Variants in CAPN11 observed in about 807,000 individuals in gnomAD.
CAPN11 encodes calpain 11, also known as calpain-11.
CAPN11 carries 108 observed loss-of-function variants against 105.3 expected under a neutral mutation model. That is an observed-to-expected ratio of 1.03 (90% CI 0.88 to 1.20). The LOEUF is 1.20. Among genes scored for constraint, CAPN11 ranks in the 50% most tolerant of loss-of-function variants. CAPN11 has a pLI of 0.00. For synonymous variants in CAPN11, 329 were observed against 344.5 expected (o/e 0.96, Z 0.50); for missense variants, 883 against 924.8 (o/e 0.95, Z 0.59).
Position 44,183,847 on chromosome 6 carries a change from C to T in CAPN11, c.2194-59C>T, listed in dbSNP as rs373552628. The stretch of plus-strand genomic sequence containing the variant: ...CACCCCCACCCAGCTCTGATGTCCC[C>T]GGGCCAGCATCCTGCCCCCGTCTCT... On this transcript the variant is annotated intron_variant, in intron 22 of 22. Coordinates refer to ENST00000398776, the MANE Select transcript of CAPN11 (RefSeq NM_007058.4). 660 of 1,572,282 alleles carry T rather than the reference C, an allele frequency of 4.2e-4. 1 individual carries two copies. The highest frequency in any genetic ancestry group is 4.9e-4 in the Non-Finnish European group (569 of 1,156,174).
In CAPN11 at chr6:44,169,265, T is replaced by A. The variant is rs1408321575; in HGVS notation, c.89-16T>A. ...ATTTTTTACTTGCGTTATTTCTCTT[T>A]TTTTTTCTTAAGCAGAGCCCACTTT... On this transcript the variant is annotated splice_polypyrimidine_tract_variant and intron_variant, in intron 2 of 22. Coordinates refer to ENST00000398776, the MANE Select transcript of CAPN11 (RefSeq NM_007058.4). 12 of 1,589,718 alleles carry A rather than the reference T, an allele frequency of 7.5e-6. No individual in the cohort carries two copies. Among genetic ancestry groups the A allele is most frequent in the Non-Finnish European group, 1.0e-5 (12 of 1,168,802 alleles).
chr6:44,170,259 A>G (rs1770739124), intron 4 of CAPN11, among the ~76,000 whole-genome samples: 1 of 149,302 alleles, frequency 6.7e-6, no homozygotes, highest in Non-Finnish European at 1.5e-5. Flanking sequence ...TAGCAACTTA[A>G]AAAAAAAATT....
chr6:44,178,773 AT>A (rs1772610615), intron 12 of CAPN11, among the ~76,000 whole-genome samples: 1 of 149,158 alleles, frequency 6.7e-6, no homozygotes, highest in South Asian at 2.1e-4. Context: ...AAAAAAAAAA[AT>A]TAGCCGGGCA....
intron 2 of CAPN11, among the ~76,000 whole-genome samples, chr6:44,167,646 A>T (rs1744065158): frequency 6.6e-6 from 1 of 152,024 alleles, no homozygotes; most frequent in South Asian, 2.1e-4. Context: ...GCAGTGGCTC[A>T]TGCCAGTAAT....
chr6:44,182,307 ACACACT>A (rs1174700859), intron 19 of CAPN11, among the ~76,000 whole-genome samples: 5 of 38,038 alleles, frequency 1.3e-4, no homozygotes, highest in African/African-American at 4.2e-4. Flanking sequence ...ACACACACAC[ACACACT>A]CACATACAGA....
rs528515730 is a variant in CAPN11, at chr6:44,158,918, T to TC, written c.16+60dup. On this transcript the variant is annotated intron_variant, in intron 1 of 22. Coordinates refer to ENST00000398776, the MANE Select transcript of CAPN11 (RefSeq NM_007058.4). ...CCTGTACCTCCTGCAGGCTAGAGCC[T>TC]CCCCCCAGGGGAGGAGCTGTGTCCC... is the stretch of plus-strand genomic sequence containing the variant. 3.4e-3 allele frequency: 4,990 copies of TC among 1,481,902 alleles called. 34 individuals carry two copies. The highest frequency in any genetic ancestry group is 5.3e-3 in the Admixed American group (256 of 48,182). The allele number at this position is 1,481,902 out of a possible 1,614,324, so 91.8% of individuals were successfully genotyped here.
chr6:44,169,975 G>C lies in CAPN11; in HGVS notation c.409G>C (p.Gly137Arg). 1 of 1,608,384 alleles carries C rather than the reference G, an allele frequency of 6.2e-7. No individual in the cohort carries two copies. The highest frequency in any genetic ancestry group is 2.2e-5 in the East Asian group (1 of 44,744). ...SPTDICQGIL[G>R]DCWLLAAIGS... ...AACAGACATCTGCCAGGGGATCCTC[G>C]GTGAGTGGGGCACAGGAAGCTGGTC... The change falls in exon 4 of 23, where the codon GGG becomes CGG. Residue 137 changes from glycine to arginine, a missense_variant and splice_region_variant. By Grantham distance (125) the Gly-to-Arg change is moderately radical. Coordinates refer to ENST00000398776, the MANE Select transcript of CAPN11 (RefSeq NM_007058.4).
In CAPN11 at chr6:44,174,559, A is replaced by G. The variant is rs1582875654; in HGVS notation, c.831+1173A>G. 2.7e-5 allele frequency among the ~76,000 whole-genome samples: 4 copies of G among 148,854 alleles called. No individual in the cohort carries two copies. The South Asian group carries it at 8.5e-4, about 32-fold the overall frequency. ...GAAATTAATTAGCTGAGAAAAAAGA[A>G]AAAAAAAAAGACAATCCCCTCCAAA... On this transcript the variant is annotated intron_variant, in intron 7 of 22. Transcript: ENST00000398776.
At chr6:44,179,078 C>T (rs1399244988) in intron 12 of CAPN11, among the ~76,000 whole-genome samples, 1 of 152,138 alleles carries the variant, frequency 6.6e-6, no homozygotes, top group African/African-American at 2.4e-5. Flanking sequence ...TATTTGTCCT[C>T]GATCCTCAAT....
At chr6:44,169,796 A>T in intron 3 of CAPN11, 110 bp from the exon 4 acceptor site, 1 of 912,894 alleles carries the variant, frequency 1.1e-6, no homozygotes, top group East Asian at 2.6e-5. Context: ...CCTGCCCCTC[A>T]TATCTGTTCC....
chr6:44,182,466 G>GC (rs1286221995), intron 19 of CAPN11, among the ~76,000 whole-genome samples: 2 of 152,250 alleles, frequency 1.3e-5, no homozygotes, highest in African/African-American at 4.8e-5. Context: ...GGGCACCAGT[G>GC]CCCCCGACAA....
chr6:44,159,265 G>A (rs180781184), intron 1 of CAPN11, among the ~76,000 whole-genome samples: 4 of 152,296 alleles, frequency 2.6e-5, no homozygotes, highest in African/African-American at 9.6e-5. Context: ...TTAGGGAACA[G>A]AGAGAACCTC....
rs113421480 is a variant in CAPN11 at position 44,177,026 on chromosome 6, T to C, written c.1237+28T>C. 8.9e-4 allele frequency: 1,430 copies of C among 1,604,290 alleles called. 17 individuals are homozygous for C. In the African/African-American group the frequency reaches 0.017, roughly 19 times the overall value. ...GGGTGAGGGGTGAGAGGGGAGGGGG[T>C]GTGCAGGGAGTGAAGGATGGGCCAC... On this transcript the variant is annotated intron_variant, in intron 11 of 22. Transcript: ENST00000398776.
chr6:44,165,069 A>C (rs528593601), intron 1 of CAPN11, among the ~76,000 whole-genome samples: 1 of 152,034 alleles, frequency 6.6e-6, no homozygotes, highest in African/African-American at 2.4e-5. Context: ...TTGTATTTTT[A>C]GTAGACACGA....
At chr6:44,181,553 TCA>T (rs1773386971) in intron 19 of CAPN11, among the ~76,000 whole-genome samples, 1 of 5,268 alleles carries the variant, frequency 1.9e-4, no homozygotes, top group Non-Finnish European at 4.2e-4. Flanking sequence ...ACACACACAC[TCA>T]CATACAGACA....
At chr6:44,170,145 T>C (rs1770714725) in intron 4 of CAPN11, among the ~76,000 whole-genome samples, 170 bp downstream of exon 4, 1 of 152,088 alleles carries the variant, frequency 6.6e-6, no homozygotes, top group Admixed American at 6.6e-5. Context: ...CGTGCATTCT[T>C]CCTGCCCCTC....
chr6:44,182,859 C>T (rs1187438553), intron 19 of CAPN11, 82 bp from the exon 20 acceptor site: 12 of 1,022,928 alleles, frequency 1.2e-5, no homozygotes, highest in Admixed American at 2.0e-5. Flanking sequence ...CAGGCATGAG[C>T]CACCGCGCCC....
intron 21 of CAPN11, 60 bp downstream of exon 21, chr6:44,183,295 A>G: frequency 1.9e-6 from 2 of 1,045,792 alleles, no homozygotes; most frequent in Non-Finnish European, 3.0e-6. Flanking sequence ...CCTTTCCCAA[A>G]CACCCACCCT....
intron 12 of CAPN11, among the ~76,000 whole-genome samples, chr6:44,178,196 G>A (rs1329821508): frequency 6.6e-6 from 1 of 152,086 alleles, no homozygotes; most frequent in African/African-American, 2.4e-5. Flanking sequence ...TGCCTTTAAG[G>A]AAGCGGAAGG....
Sources: gnomAD v4.1 joint callset for allele counts (sites outside exome capture counted in the v4.1 genomes callset) on GRCh38, gnomAD v4.1.1 for gene constraint, MANE v1.5 for transcripts, NCBI Gene and HGNC (gene_info 2026-07-23, HGNC 2026-07-21) for gene names.